PAMR1: variants seen among roughly 807,000 people sequenced by gnomAD.
PAMR1 encodes inactive serine protease PAMR1.
PAMR1 carries 88 observed loss-of-function variants against 81.8 expected under a neutral mutation model. The observed-to-expected ratio is 1.08, with a 90% CI of 0.91 to 1.28. PAMR1 has a LOEUF of 1.28. Among genes scored for constraint, PAMR1 ranks in the 50% most tolerant of loss-of-function variants. The probability of loss-of-function intolerance (pLI) is 0.00; values close to 1 mark genes in which losing one functional copy is unlikely to be tolerated. For missense variants in PAMR1, 935 were observed against 919.7 expected, an observed-to-expected ratio of 1.02 and a Z score of -0.21; for synonymous variants, 336 against 345.3, an observed-to-expected ratio of 0.97 and a Z score of 0.30.
chr11:35,439,525 A>G, intron 8 of PAMR1, 102 bp downstream of exon 8: 1 of 950,246 alleles, frequency 1.1e-6, no homozygotes, highest in Non-Finnish European at 1.7e-6. Flanking sequence ...TCCCTAAGAA[A>G]CCTCAAACTG....
At chr11:35,448,687 G>T (rs1187223567) in intron 6 of PAMR1, among the ~76,000 whole-genome samples, 8 of 152,196 alleles carry the variant, frequency 5.3e-5, no homozygotes, top group African/African-American at 1.9e-4. Context: ...CATTGCTGGA[G>T]AGGTGTTGCA....
chr11:35,475,402 A>G (rs1386458002), intron 3 of PAMR1, among the ~76,000 whole-genome samples: 1 of 152,166 alleles, frequency 6.6e-6, no homozygotes, highest in African/African-American at 2.4e-5. Flanking sequence ...CAATGTATAA[A>G]AAAGGGGCTC....
chr11:35,460,032 GA>G (rs1449032875), intron 6 of PAMR1, among the ~76,000 whole-genome samples: 1 of 152,196 alleles, frequency 6.6e-6, no homozygotes, highest in Non-Finnish European at 1.5e-5. Flanking sequence ...AGAGAATAAT[GA>G]CTATTGCTTT....
At chr11:35,485,040 C>T (rs1277766251) in intron 3 of PAMR1, among the ~76,000 whole-genome samples, 1 of 152,144 alleles carries the variant, frequency 6.6e-6, no homozygotes, top group South Asian at 2.1e-4. Context: ...TTCCTAAATA[C>T]AATTTCCCAC....
chr11:35,471,026 T>G (rs545314326), intron 4 of PAMR1, among the ~76,000 whole-genome samples: 1 of 152,334 alleles, frequency 6.6e-6, no homozygotes, highest in East Asian at 1.9e-4. Flanking sequence ...TATGTGCACA[T>G]GCAAGTGCCT....
chr11:35,473,825 C>G (rs1248201961), intron 4 of PAMR1, among the ~76,000 whole-genome samples: 1 of 152,116 alleles, frequency 6.6e-6, no homozygotes, highest in Admixed American at 6.5e-5. Flanking sequence ...TCACTGTCAC[C>G]ACAGGGTTAA....
intron 6 of PAMR1, among the ~76,000 whole-genome samples, chr11:35,443,412 A>G (rs1375553633): frequency 6.6e-6 from 1 of 152,036 alleles, no homozygotes; most frequent in Non-Finnish European, 1.5e-5. Flanking sequence ...CCCTGTGTCC[A>G]TGTGTTCTCA....
At chr11:35,481,144 TA>T (rs1850383109) in intron 3 of PAMR1, among the ~76,000 whole-genome samples, 1 of 152,248 alleles carries the variant, frequency 6.6e-6, no homozygotes, top group Admixed American at 6.5e-5. Flanking sequence ...TTTGCTATTG[TA>T]AATAGTGCTG....
chr11:35,494,356 C>G (rs1271562910), intron 1 of PAMR1, 84 bp from the exon 2 acceptor site: 5 of 1,203,584 alleles, frequency 4.2e-6, no homozygotes, highest in Non-Finnish European at 6.0e-6. Context: ...TGTTTTGAGA[C>G]GGAGTCTTGC....
chr11:35,470,648 C>G lies in PAMR1; in HGVS notation c.665G>C (p.Gly222Ala). The G allele has an allele frequency of 1.2e-6, 2 of 1,614,158 alleles. No individual in the cohort carries two copies. The highest frequency in any genetic ancestry group is 2.2e-5 in the South Asian group (2 of 91,078). ...ATGGAAACCGTCAAAATTCTTGGAG[C>G]CATCGGAGTGGAAGAGGACGTGGAG... Reference protein sequence around the residue: ...SSLHVLFHSDGSKNFDGFHAI... With the variant: ...SSLHVLFHSDASKNFDGFHAI... Residue 222 changes from glycine to alanine, a missense_variant, in exon 5 of 11, where the codon GGC becomes GCC. Coordinates refer to ENST00000619888, the MANE Select transcript of PAMR1 (RefSeq NM_001001991.3).
intron 1 of PAMR1, among the ~76,000 whole-genome samples, chr11:35,507,037 G>T (rs1359783379): frequency 8.6e-5 from 8 of 93,496 alleles, no homozygotes; most frequent in African/African-American, 1.9e-4. Context: ...CAAATAGCCT[G>T]ACTTTTTTTT....
chr11:35,485,941 T>G (rs1272908225), intron 3 of PAMR1, among the ~76,000 whole-genome samples: 4 of 152,266 alleles, frequency 2.6e-5, no homozygotes, highest in African/African-American at 7.2e-5. Flanking sequence ...CCCAGCCATA[T>G]GTAGGCGACC....
At chr11:35,441,308 A>G (rs1856159418) in intron 7 of PAMR1, among the ~76,000 whole-genome samples, 173 bp downstream of exon 7, 1 of 152,140 alleles carries the variant, frequency 6.6e-6, no homozygotes, top group Non-Finnish European at 1.5e-5. Flanking sequence ...AGGTCAAAAA[A>G]AAAAAGAAGC....
intron 6 of PAMR1, among the ~76,000 whole-genome samples, chr11:35,446,489 C>T (rs1186042157): frequency 6.6e-6 from 1 of 152,142 alleles, no homozygotes. Context: ...TATAAATTTT[C>T]CTCATAACAT....
At chr11:35,500,037 G>A (rs1850801881) in intron 1 of PAMR1, among the ~76,000 whole-genome samples, 1 of 152,224 alleles carries the variant, frequency 6.6e-6, no homozygotes. Context: ...AGGCAGGCAG[G>A]CAACCTCTAG....
At chr11:35,494,298 G>A (rs1850683245) in intron 1 of PAMR1, 26 bp from the exon 2 acceptor site, 2 of 1,598,306 alleles carry the variant, frequency 1.3e-6, no homozygotes, top group Non-Finnish European at 1.7e-6. Context: ...AGCAGGTGAG[G>A]CTAGGTCCTG....
chr11:35,517,818 C>T (rs650479), intron 1 of PAMR1, among the ~76,000 whole-genome samples: 1 of 152,012 alleles, frequency 6.6e-6, no homozygotes, highest in Non-Finnish European at 1.5e-5. Context: ...ATTGCCAACA[C>T]CTATAACCAT....
intron 6 of PAMR1, among the ~76,000 whole-genome samples, chr11:35,456,161 A>T (rs1354539410): frequency 2.0e-5 from 3 of 152,180 alleles, no homozygotes; most frequent in Non-Finnish European, 4.4e-5. Flanking sequence ...ACTTGCACCA[A>T]TTCTTACTAA....
chr11:35,472,225 C>G (rs1850200840), intron 4 of PAMR1, among the ~76,000 whole-genome samples: 2 of 152,200 alleles, frequency 1.3e-5, no homozygotes, highest in South Asian at 4.1e-4. Context: ...AGCTCCTTCT[C>G]TTGGCCTTGA....
Sources: gnomAD v4.1 joint callset for allele counts (sites outside exome capture counted in the v4.1 genomes callset) on GRCh38, gnomAD v4.1.1 for gene constraint, MANE v1.5 for transcripts, NCBI Gene and HGNC (gene_info 2026-07-23, HGNC 2026-07-21) for gene names.